ZBED4: variants seen among roughly 807,000 people sequenced by gnomAD.
The protein encoded by ZBED4 is zinc finger BED-type containing 4, also known as zinc finger BED domain-containing protein 4.
A neutral mutation model predicts 15.5 loss-of-function variants in ZBED4; 4 were observed. The observed-to-expected ratio is 0.26, with a 90% CI of 0.13 to 0.59. The LOEUF is 0.59. Ranked by LOEUF, ZBED4 falls within the 20% of genes least tolerant of loss-of-function variation. ZBED4 has a pLI of 0.90. For missense variants in ZBED4, 1,323 were observed against 1,461.8 expected (o/e 0.91, Z 1.55); for synonymous variants, 692 against 608.5 (o/e 1.14, Z -2.02).
intron 1 of ZBED4, among the ~76,000 whole-genome samples, chr22:49,880,119 C>G (rs879500738): frequency 9.7e-6 from 1 of 102,882 alleles, no homozygotes; most frequent in Non-Finnish European, 2.5e-5. Context: ...ACCGTTTCCT[C>G]CTCTTGAGGC....
intron 1 of ZBED4, among the ~76,000 whole-genome samples, chr22:49,864,221 T>C (rs1220358307): frequency 6.6e-6 from 1 of 152,214 alleles, no homozygotes; most frequent in African/African-American, 2.4e-5. Context: ...TCCGTCCTCT[T>C]TTTCCACTGA....
rs1424180239 is a variant in ZBED4 at position 49,883,381 on chromosome 22, C to T, written c.-282C>T. 3.4e-6 allele frequency: 1 copy of T among 293,318 alleles called. No homozygotes were observed. Among genetic ancestry groups the T allele is most frequent in the Admixed American group, 4.6e-5 (1 of 21,762 alleles). The allele number at this position is 293,318 out of a possible 1,614,324, so 18.2% of individuals were successfully genotyped here. A position where few individuals can be genotyped will look rare whatever the true frequency, so the allele number is the denominator to read the frequency against. ...ATGCTCTCAAGATGATCAGGCAGATCCTGTCCTCAGGACCAGAAGCACGTC... is the reference window on the plus strand; with the variant it reads ...ATGCTCTCAAGATGATCAGGCAGATTCTGTCCTCAGGACCAGAAGCACGTC... On this transcript the variant is annotated 5_prime_UTR_variant, in exon 2 of 2. Coordinates refer to ENST00000216268, the MANE Select transcript of ZBED4 (RefSeq NM_014838.3).
At position 49,885,650 on chromosome 22, in the gene ZBED4, C is replaced by T. The variant is rs1569165594; in HGVS notation, c.1988C>T (p.Ala663Val). Residue 663 changes from alanine (A) to valine (V), a missense_variant, in exon 2 of 2, where the codon GCT becomes GTT. Around this residue, in one of 6 missense-constraint regions of ZBED4, gnomAD observed 89 missense variants for 129.8 expected, o/e 0.69. Transcript: ENST00000216268. ...PVAKKITSLI[A>V]EMIALDLQPY... ...GCCAAAAAAATCACAAGTCTCATAG[C>T]TGAAATGATTGCACTTGACCTCCAG... 2 of 1,612,894 alleles carry T rather than the reference C, an allele frequency of 1.2e-6. No homozygotes were observed. Among genetic ancestry groups the T allele is most frequent in the Non-Finnish European group, 1.7e-6 (2 of 1,178,986 alleles).
rs2060431413 is a variant in ZBED4 at position 49,885,208 on chromosome 22, C to G, written c.1546C>G (p.Leu516Val). ...AGTTGTCGGGAGCCAGAAGGGCTTCCTGGGTGCAAGTCTGGCAAACTCTCC... is the reference window on the plus strand; with the variant it reads ...AGTTGTCGGGAGCCAGAAGGGCTTCGTGGGTGCAAGTCTGGCAAACTCTCC... ...PEVVGSQKGF[L>V]GASLANSPYA... Residue 516 changes from leucine (L) to valine (V), a missense_variant, in exon 2 of 2, where the codon CTG becomes GTG. Physicochemically the swap from Leu to Val is conservative, Grantham distance 32. Transcript: ENST00000216268. 1.2e-6 allele frequency: 2 copies of G among 1,613,728 alleles called. No individual in the cohort carries two copies. Among genetic ancestry groups the G allele is most frequent in the Non-Finnish European group, 1.7e-6 (2 of 1,179,878 alleles).
At chr22:49,868,764 T>C (rs1288052693) in intron 1 of ZBED4, among the ~76,000 whole-genome samples, 1 of 151,876 alleles carries the variant, frequency 6.6e-6, no homozygotes, top group African/African-American at 2.4e-5. Context: ...GTTGAGCAAA[T>C]GAGGAAATCT....
At position 49,888,750 on chromosome 22, in the gene ZBED4, G is replaced by T; in HGVS notation, c.*1572G>T. 6.0e-6 allele frequency: 1 copy of T among 167,402 alleles called. No individual in the cohort carries two copies. 10.4% of individuals were successfully genotyped at this position (167,402 alleles called of 1,614,324 possible). On this transcript the variant is annotated 3_prime_UTR_variant, in exon 2 of 2. Transcript: ENST00000216268. ...GTGTCCTCTTACCCGGTAGCTGTGC[G>T]CTTGTTCCCGTGAGAACAGCCTGCT... is the stretch of plus-strand genomic sequence containing the variant.
chr22:49,866,528 C>G (rs959404449), intron 1 of ZBED4, among the ~76,000 whole-genome samples: 48 of 151,926 alleles, frequency 3.2e-4, no homozygotes, highest in Admixed American at 1.5e-3. Flanking sequence ...TTTGTGGGAC[C>G]TATAATCTCA....
chr22:49,884,794 A>G lies in ZBED4; in HGVS notation c.1132A>G (p.Lys378Glu). ...ELSSVSSSPV[K>E]PVRESPSASS... Reference sequence around the variant, plus strand: ...CAGCTCTGTGTCCTCGTCTCCAGTAAAGCCGGTCAGAGAGTCCCCTTCGGC... The same window carrying G: ...CAGCTCTGTGTCCTCGTCTCCAGTAGAGCCGGTCAGAGAGTCCCCTTCGGC... The change falls in exon 2 of 2, where the codon AAG becomes GAG. Residue 378 changes from lysine to glutamate, a missense_variant. This residue lies in a region of ZBED4 where 429 missense variants were observed against 397.9 expected (regional missense o/e 1.08). Coordinates refer to ENST00000216268, the MANE Select transcript of ZBED4 (RefSeq NM_014838.3). The G allele has an allele frequency of 6.2e-7, 1 of 1,609,094 alleles. No homozygotes were observed. The highest frequency in any genetic ancestry group is 1.1e-5 in the South Asian group (1 of 90,814).
Position 49,886,272 on chromosome 22 carries a change from G to A in ZBED4, c.2610G>A (p.Leu870=), listed in dbSNP as rs763623835. 4 of 1,354,636 alleles carry A rather than the reference G, an allele frequency of 3.0e-6. No individual in the cohort carries two copies. Among genetic ancestry groups the A allele is most frequent in the South Asian group, 2.6e-5 (2 of 77,734 alleles). 83.9% of individuals were successfully genotyped at this position (1,354,636 alleles called of 1,614,324 possible). Residue 870 remains leucine, a synonymous_variant, in exon 2 of 2, where the codon CTG becomes CTA. Transcript: ENST00000216268. This position sits in a 1 kb window ranked among gnomAD's most constrained non-coding sequence, Gnocchi z 7.7. ...VHRSPKAKEK[L]AELQREYALP... The stretch of plus-strand genomic sequence containing the variant: ...GGTCGCCCAAGGCGAAGGAGAAACT[G>A]GCCGAGCTGCAGAGGGAGTACGCGC...
At chr22:49,858,808 C>A (rs979223422) in intron 1 of ZBED4, among the ~76,000 whole-genome samples, 1 of 152,198 alleles carries the variant, frequency 6.6e-6, no homozygotes, top group African/African-American at 2.4e-5. Flanking sequence ...TTTTTCCCAA[C>A]CAGAATCGAG....
chr22:49,862,921 C>T (rs769709059), intron 1 of ZBED4, among the ~76,000 whole-genome samples: 1 of 151,940 alleles, frequency 6.6e-6, no homozygotes, highest in Non-Finnish European at 1.5e-5. Flanking sequence ...AGGCTGGTCT[C>T]GAACTCCTGA....
chr22:49,880,796 A>C (rs901635476), intron 1 of ZBED4, among the ~76,000 whole-genome samples: 1 of 152,218 alleles, frequency 6.6e-6, no homozygotes, highest in Non-Finnish European at 1.5e-5. Flanking sequence ...GACTGGGATC[A>C]TATTGAATTT....
Position 49,884,586 on chromosome 22 carries a change from C to T in ZBED4, c.924C>T (p.His308=), listed in dbSNP as rs749437911. 3.1e-6 allele frequency: 5 copies of T among 1,612,460 alleles called. No homozygotes were observed. In the African/African-American group the frequency reaches 4.0e-5, roughly 13 times the overall value. The change falls in exon 2 of 2, where the codon CAC becomes CAT. Residue 308 remains histidine (H), a synonymous_variant. Coordinates refer to ENST00000216268, the MANE Select transcript of ZBED4 (RefSeq NM_014838.3). ...ACAACTCCAAAGCTGTCTGCATTCA[C>T]TGCATGAACGAGTTCAGCCGGGGGA... is the stretch of plus-strand genomic sequence containing the variant. The part of the protein sequence containing the change: ...PLDNSKAVCI[H]CMNEFSRGKN...
At chr22:49,858,034 C>T (rs375402510) in intron 1 of ZBED4, among the ~76,000 whole-genome samples, 1 of 152,022 alleles carries the variant, frequency 6.6e-6, no homozygotes, top group East Asian at 1.9e-4. Flanking sequence ...AGTGCCAGGA[C>T]AGGACTACAG....
rs2060428682 is a variant in ZBED4 at position 49,884,860 on chromosome 22, C to G, written c.1198C>G (p.His400Asp). The G allele has an allele frequency of 6.2e-7, 1 of 1,609,308 alleles. No individual in the cohort carries two copies. The change falls in exon 2 of 2, where the codon CAC becomes GAC. Residue 400 changes from histidine (H) to aspartate (D), a missense_variant. Physicochemically the swap from His to Asp is moderately conservative, Grantham distance 81. This residue lies in a region of ZBED4 where 429 missense variants were observed against 397.9 expected (regional missense o/e 1.08). Transcript: ENST00000216268. ...CAGGCTGACTGAGGACTTGCAGTCTCACTTGAACCCTGGAGATGGGCTGAT... is the reference window on the plus strand; with the variant it reads ...CAGGCTGACTGAGGACTTGCAGTCTGACTTGAACCCTGGAGATGGGCTGAT... ...PDRLTEDLQS[H>D]LNPGDGLMED...
chr22:49,875,033 A>G (rs2060368850), intron 1 of ZBED4, among the ~76,000 whole-genome samples: 1 of 152,160 alleles, frequency 6.6e-6, no homozygotes, highest in South Asian at 2.1e-4. Context: ...GTGATGAATC[A>G]TGACGTATTA....
chr22:49,858,462 T>C (rs1027839490), intron 1 of ZBED4, among the ~76,000 whole-genome samples: 2 of 152,216 alleles, frequency 1.3e-5, no homozygotes, highest in African/African-American at 4.8e-5. Context: ...AGAGTGCGTG[T>C]GCTCTGAGTT....
chr22:49,869,355 G>A (rs1048879311), intron 1 of ZBED4, among the ~76,000 whole-genome samples: 4 of 152,278 alleles, frequency 2.6e-5, no homozygotes, highest in Admixed American at 2.0e-4. Context: ...CCCGCGTGGT[G>A]GTTATCCACC....
rs891508157 is a variant in ZBED4 at position 49,860,299 on chromosome 22, AAAAAC to A, written c.-330+6330_-330+6334del. ...GGGCGACAGAGTGAGACCCTGTATC[AAAAAC>A]AAAACAAAACAAAACAAAAAATACA... On this transcript the variant is annotated intron_variant, in intron 1 of 1. Transcript: ENST00000216268. Among the ~76,000 whole-genome samples, 18 of 152,372 alleles carry A rather than the reference AAAAAC, an allele frequency of 1.2e-4. No homozygotes were observed. The East Asian group carries it at 1.3e-3, about 11-fold the overall frequency.
Sources: gnomAD v4.1 joint callset for allele counts (sites outside exome capture counted in the v4.1 genomes callset) on GRCh38, gnomAD v4.1.1 for gene constraint, gnomAD v4.1.1 regional missense constraint, Gnocchi (gnomAD v3.1) non-coding constraint, MANE v1.5 for transcripts, NCBI Gene and HGNC (gene_info 2026-07-23, HGNC 2026-07-21) for gene names.